Variants in EEA1 observed in about 807,000 individuals in gnomAD.
The protein encoded by EEA1 is early endosome antigen 1, 162kD.
EEA1 carries 111 observed loss-of-function variants against 209.2 expected under a neutral mutation model. The observed-to-expected ratio is 0.53, with a 90% CI of 0.45 to 0.62. The LOEUF (loss-of-function observed/expected upper bound fraction) is 0.62. EEA1 is among the 20% of genes least tolerant of loss of function. EEA1 has a pLI of 0.00. For synonymous variants in EEA1, 536 were observed against 540.6 expected (o/e 0.99, Z 0.12); for missense variants, 1,343 against 1,530.8 (o/e 0.88, Z 2.05).
At chr12:92,926,227 A>G (rs2136793943) in intron 1 of EEA1, among the ~76,000 whole-genome samples, 1 of 152,210 alleles carries the variant, frequency 6.6e-6, no homozygotes, top group South Asian at 2.1e-4. Context: ...TCCCGACCTC[A>G]GGTGATCCGC....
rs1269641827 is a variant in EEA1 at position 92,801,713 on chromosome 12, T to A, written c.2671-12A>T. ...TTGCAAGTTTTTTCCTTAAAAAAAA[T>A]GAAAACTATATTACATAAAAAATAT... On this transcript the variant is annotated splice_polypyrimidine_tract_variant and intron_variant, in intron 19 of 28. Transcript: ENST00000322349. 2 of 1,523,130 alleles carry A rather than the reference T, an allele frequency of 1.3e-6. No homozygotes were observed. Among genetic ancestry groups the A allele is most frequent in the Non-Finnish European group, 8.9e-7 (1 of 1,127,592 alleles). 94.4% of individuals were successfully genotyped at this position (1,523,130 alleles called of 1,614,324 possible). A position where few individuals can be genotyped will look rare whatever the true frequency, so the allele number is the denominator to read the frequency against.
At chr12:92,898,922 T>C (rs1418106621) in intron 1 of EEA1, among the ~76,000 whole-genome samples, 10 of 146,496 alleles carry the variant, frequency 6.8e-5, no homozygotes, top group African/African-American at 2.5e-5. Flanking sequence ...AGAGGCACAC[T>C]TCAGAAAGAG....
intron 26 of EEA1, 53 bp from the exon 27 acceptor site, chr12:92,777,716 C>G: frequency 6.5e-7 from 1 of 1,544,664 alleles, no homozygotes; most frequent in Non-Finnish European, 8.8e-7. Context: ...ATTTAAAGAC[C>G]CTTCTAGGGT....
chr12:92,871,338 G>A (rs887763843), intron 2 of EEA1, among the ~76,000 whole-genome samples: 1 of 152,116 alleles, frequency 6.6e-6, no homozygotes, highest in South Asian at 2.1e-4. Context: ...AAGCAACACC[G>A]AGGCAAGGAA....
rs1810198688 is a variant in EEA1 at position 92,928,991 on chromosome 12, G to C, written c.24+52C>G. The C allele has an allele frequency of 1.9e-6, 3 of 1,554,352 alleles. No homozygotes were observed. In the African/African-American group the frequency reaches 4.2e-5, roughly 22 times the overall value. ...AGGGGCGCCCGCGCCGCGGCCCCGAGCTCCGGCTGTCCCGCTCACGTGCTG... is the reference window on the plus strand; with the variant it reads ...AGGGGCGCCCGCGCCGCGGCCCCGACCTCCGGCTGTCCCGCTCACGTGCTG... On this transcript the variant is annotated intron_variant, in intron 1 of 28. Coordinates refer to ENST00000322349, the MANE Select transcript of EEA1 (RefSeq NM_003566.4).
intron 16 of EEA1, among the ~76,000 whole-genome samples, chr12:92,812,707 A>C (rs1013556181): frequency 2.6e-5 from 4 of 152,188 alleles, no homozygotes; most frequent in African/African-American, 9.6e-5. Context: ...TTACTGCTCT[A>C]CACCAAGGTC....
At chr12:92,846,636 C>T (rs950784024) in intron 9 of EEA1, among the ~76,000 whole-genome samples, 1 of 151,974 alleles carries the variant, frequency 6.6e-6, no homozygotes, top group Non-Finnish European at 1.5e-5. Flanking sequence ...ACTTTTTAAC[C>T]TTTAAATCCT....
intron 17 of EEA1, among the ~76,000 whole-genome samples, chr12:92,811,056 A>C (rs1421069799): frequency 6.6e-6 from 1 of 152,254 alleles, no homozygotes; most frequent in Non-Finnish European, 1.5e-5. Context: ...ATCAGTATGT[A>C]AGTTGACTGT....
Position 92,775,991 on chromosome 12 carries a change from T to C in EEA1, c.*20A>G. On this transcript the variant is annotated 3_prime_UTR_variant, in exon 29 of 29. Transcript: ENST00000322349. ...AAATCTAATGTTAGTGTAATATTACTCTGAAGTTGTGATAACCCATTATCC... is the reference window on the plus strand; with the variant it reads ...AAATCTAATGTTAGTGTAATATTACCCTGAAGTTGTGATAACCCATTATCC... 6.2e-7 allele frequency: 1 copy of C among 1,606,988 alleles called. No homozygotes were observed. The highest frequency in any genetic ancestry group is 8.5e-7 in the Non-Finnish European group (1 of 1,176,174).
In EEA1 at chr12:92,899,765, G is replaced by A. The variant is rs141156726; in HGVS notation, c.25-8044C>T. Among the ~76,000 whole-genome samples the A allele has an allele frequency of 3.5e-3, 527 of 152,278 alleles. 5 individuals are homozygous for A. The highest frequency in any genetic ancestry group is 0.012 in the African/African-American group (488 of 41,550). On this transcript the variant is annotated intron_variant, in intron 1 of 28. Coordinates refer to ENST00000322349, the MANE Select transcript of EEA1 (RefSeq NM_003566.4). ...CTCTACTTTCTCCTTCCTCTTGCTCGTTCTCATTTTCTTTGTCCTTACAAT... is the reference window on the plus strand; with the variant it reads ...CTCTACTTTCTCCTTCCTCTTGCTCATTCTCATTTTCTTTGTCCTTACAAT...
chr12:92,881,518 G>C lies in EEA1; in HGVS notation c.117+10111C>G, dbSNP rs540246974. 2.0e-5 allele frequency among the ~76,000 whole-genome samples: 3 copies of C among 152,220 alleles called. No individual in the cohort carries two copies. The East Asian group carries it at 5.8e-4, about 29-fold the overall frequency. On this transcript the variant is annotated intron_variant, in intron 2 of 28. Coordinates refer to ENST00000322349, the MANE Select transcript of EEA1 (RefSeq NM_003566.4). Reference sequence around the variant, plus strand: ...CATCTGGAGGTCAGTTGAAGAGGTAGGAAAAACACCAGAAGAGAGGTATCA... The same window carrying C: ...CATCTGGAGGTCAGTTGAAGAGGTACGAAAAACACCAGAAGAGAGGTATCA...
At position 92,832,779 on chromosome 12, in the gene EEA1, A is replaced by C. The variant is rs1357117475; in HGVS notation, c.987T>G (p.Ser329=). ...TTGCCTGAATATTCTTTTTACTCAC[A>C]GATTCTTCATTATGTTTCTCCTCTA... is the stretch of plus-strand genomic sequence containing the variant. The part of the protein sequence containing the change: ...TKLEEKHNEE[S]VSKKNIQATL... The change falls in exon 11 of 29, where the codon TCT becomes TCG. Residue 329 remains serine (S), a synonymous_variant. Transcript: ENST00000322349. The C allele has an allele frequency of 6.2e-7, 1 of 1,613,738 alleles. No homozygotes were observed. Among genetic ancestry groups the C allele is most frequent in the African/African-American group, 1.3e-5 (1 of 74,902 alleles).
At chr12:92,877,783 A>G (rs772706890) in intron 2 of EEA1, among the ~76,000 whole-genome samples, 14 of 152,238 alleles carry the variant, frequency 9.2e-5, no homozygotes, top group Non-Finnish European at 1.8e-4. Context: ...GATTATAGCC[A>G]TGAGCCACCA....
rs1005886580 is a variant in EEA1, at chr12:92,824,964, C to T, written c.1524+1202G>A. ...ATGAATCCAGTATTTTGATCTCTAT[C>T]CATCTGACTCCCATGCCACTCTCCA... On this transcript the variant is annotated intron_variant, in intron 13 of 28. Coordinates refer to ENST00000322349, the MANE Select transcript of EEA1 (RefSeq NM_003566.4). Among the ~76,000 whole-genome samples, 4 of 152,168 alleles carry T rather than the reference C, an allele frequency of 2.6e-5. No individual in the cohort carries two copies. In the East Asian group the frequency reaches 5.8e-4, roughly 22 times the overall value.
intron 10 of EEA1, among the ~76,000 whole-genome samples, chr12:92,840,950 A>T (rs1050193248): frequency 1.3e-5 from 2 of 152,188 alleles, no homozygotes; most frequent in African/African-American, 4.8e-5. Context: ...GAATTACAAA[A>T]GAGGCCCCAG....
At position 92,929,033 on chromosome 12, in the gene EEA1, ACT is replaced by A; in HGVS notation, c.24+8_24+9del. The A allele has an allele frequency of 1.3e-6, 2 of 1,589,566 alleles. No homozygotes were observed. The highest frequency in any genetic ancestry group is 1.7e-6 in the Non-Finnish European group (2 of 1,169,168). ...CACGTGCTGCCAGAAAGACGGTTTC[ACT>A]CTCTTACCCTCTGTAAAATCCTCCT... On this transcript the variant is annotated splice_region_variant and intron_variant, in intron 1 of 28. Coordinates refer to ENST00000322349, the MANE Select transcript of EEA1 (RefSeq NM_003566.4).
intron 14 of EEA1, among the ~76,000 whole-genome samples, chr12:92,818,267 G>A (rs929738482): frequency 1.3e-5 from 2 of 152,188 alleles, no homozygotes; most frequent in East Asian, 1.9e-4. Context: ...TCCCCCAAGC[G>A]GTGCCACAGT....
chr12:92,820,593 T>C (rs7134055), intron 13 of EEA1, among the ~76,000 whole-genome samples: 144,711 of 151,786 alleles, frequency 0.95, 69,014 homozygotes, highest in East Asian at 1. Flanking sequence ...CGGAGCCTGT[T>C]GGGGGTTGGG....
chr12:92,855,511 G>C (rs1350811675), intron 5 of EEA1, among the ~76,000 whole-genome samples: 1 of 147,660 alleles, frequency 6.8e-6, no homozygotes. Context: ...TTTAATTCAG[G>C]ACAAGTCAAC....
Sources: gnomAD v4.1 joint callset for allele counts (sites outside exome capture counted in the v4.1 genomes callset) on GRCh38, gnomAD v4.1.1 for gene constraint, MANE v1.5 for transcripts, NCBI Gene and HGNC (gene_info 2026-07-23, HGNC 2026-07-21) for gene names.